The following DSCAM variants were observed in gnomAD, a reference collection of about 807,000 sequenced individuals.
DSCAM encodes cell adhesion molecule DSCAM.
A neutral mutation model predicts 217.7 loss-of-function variants in DSCAM; 47 were observed. The observed-to-expected ratio is 0.22, with a 90% confidence interval of 0.17 to 0.28. The LOEUF is 0.28. DSCAM is among the 10% of genes least tolerant of loss of function. The pLI, the probability that DSCAM is intolerant of heterozygous loss-of-function variation, is 1.00. For missense variants in DSCAM, 2,080 were observed against 2,618.3 expected, an observed-to-expected ratio of 0.79 and a Z score of 4.49; for synonymous variants, 1,056 against 1,015.3, an observed-to-expected ratio of 1.04 and a Z score of -0.76.
intron 7 of DSCAM, among the ~76,000 whole-genome samples, 163 bp from the exon 8 acceptor site, chr21:40,338,539 G>T (rs1378289140): frequency 1.3e-5 from 2 of 152,114 alleles, no homozygotes; most frequent in African/African-American, 2.4e-5. Context: ...TACAACAAAG[G>T]TTTTTCTTTC....
chr21:40,477,061 A>G (rs1396584149), intron 3 of DSCAM, among the ~76,000 whole-genome samples: 1 of 152,188 alleles, frequency 6.6e-6, no homozygotes, highest in African/African-American at 2.4e-5. Flanking sequence ...TAACTTCCTA[A>G]ATAGTATTTA....
chr21:40,761,783 G>C (rs897673353), intron 1 of DSCAM, among the ~76,000 whole-genome samples: 1 of 152,152 alleles, frequency 6.6e-6, no homozygotes, highest in South Asian at 2.1e-4. Flanking sequence ...TTCATTACTA[G>C]AGAAGTTTCT....
At position 40,339,298 on chromosome 21, in the gene DSCAM, T is replaced by C. The variant is rs2074463153; in HGVS notation, c.1328A>G (p.Asp443Gly). 6.2e-7 allele frequency: 1 copy of C among 1,614,028 alleles called. No homozygotes were observed. The highest frequency in any genetic ancestry group is 8.5e-7 in the Non-Finnish European group (1 of 1,180,028). ...TPLPTITWTL[D>G]DDPILKGGSH... is the part of the protein sequence containing the mutation. The stretch of plus-strand genomic sequence containing the variant: ...GCCACCCTTGAGAATCGGGTCATCG[T>C]CCAGGGTCCACGTGATCGTGGGCAA... Residue 443 changes from aspartate (D) to glycine (G), a missense_variant, in exon 7 of 33, where the codon GAC becomes GGC. By Grantham distance (94) the Asp-to-Gly change is moderately conservative. Transcript: ENST00000400454.
chr21:40,353,832 C>T (rs1484148568), intron 4 of DSCAM, 89 bp from the exon 5 acceptor site: 45 of 1,174,434 alleles, frequency 3.8e-5, no homozygotes, highest in East Asian at 2.3e-4. Flanking sequence ...AACTTAAATA[C>T]GGTGCATCAT....
chr21:40,489,020 A>G (rs1188796316), intron 3 of DSCAM, among the ~76,000 whole-genome samples: 5 of 152,212 alleles, frequency 3.3e-5, no homozygotes, highest in Non-Finnish European at 7.3e-5. Context: ...CTATGCTTCT[A>G]AAAAACCACA....
chr21:40,710,179 G>GA (rs1178922501), intron 1 of DSCAM, among the ~76,000 whole-genome samples: 10 of 145,348 alleles, frequency 6.9e-5, no homozygotes, highest in Admixed American at 5.4e-4. Context: ...CTTTTTGATG[G>GA]GGTTTTTTTT....
chr21:40,094,403 C>A (rs1466942513), intron 20 of DSCAM, among the ~76,000 whole-genome samples: 2 of 152,138 alleles, frequency 1.3e-5, no homozygotes, highest in Admixed American at 1.3e-4. Context: ...GCTAAGGAGG[C>A]AGAGCTGAGA....
chr21:40,461,024 A>G (rs2075801487), intron 3 of DSCAM, among the ~76,000 whole-genome samples: 1 of 152,224 alleles, frequency 6.6e-6, no homozygotes, highest in African/African-American at 2.4e-5. Context: ...AGCCCTGTTC[A>G]TAGTTGCAAA....
chr21:40,789,192 T>C (rs1377876317), intron 1 of DSCAM, among the ~76,000 whole-genome samples: 1 of 149,968 alleles, frequency 6.7e-6, no homozygotes, highest in Non-Finnish European at 1.5e-5. Flanking sequence ...AGACAGAGAA[T>C]GAAACCAGGG....
intron 3 of DSCAM, among the ~76,000 whole-genome samples, chr21:40,549,752 A>G (rs2076614489): frequency 6.6e-6 from 1 of 152,146 alleles, no homozygotes; most frequent in Non-Finnish European, 1.5e-5. Context: ...ACGTTTGGAA[A>G]CCCCAGCTAA....
At position 40,047,870 on chromosome 21, in the gene DSCAM, G is replaced by A. The variant is rs141344012; in HGVS notation, c.5186-3595C>T. 4.5e-3 allele frequency among the ~76,000 whole-genome samples: 681 copies of A among 152,272 alleles called. 4 individuals carry two copies. The highest frequency in any genetic ancestry group is 0.023 in the East Asian group (117 of 5,174). On this transcript the variant is annotated intron_variant, in intron 30 of 32. Transcript: ENST00000400454. ...CTAGTCCCATCCTGGGTAACAGAGG[G>A]CATTTTTTCTTTCAAAGTCTCAGCA...
At position 40,078,855 on chromosome 21, in the gene DSCAM, G is replaced by T. The variant is rs2089410019; in HGVS notation, c.4543C>A (p.Pro1515Thr). The change falls in exon 26 of 33, where the codon CCC (proline) becomes ACC (threonine). Residue 1515 changes from proline (P) to threonine (T), a missense_variant. By Grantham distance (38) the Pro-to-Thr change is conservative. This residue lies in a region of DSCAM where 1,144 missense variants were observed against 1,421.1 expected (regional missense o/e 0.81). Coordinates refer to ENST00000400454, the MANE Select transcript of DSCAM (RefSeq NM_001389.5). ...PITSFTLEYR[P>T]FGTTVWTTAQ... ...GTGGTCCAAACTGTGGTCCCAAAGG[G>T]CCTGTACTCTAGTGTGAAGGAGGTG... 2 of 1,614,198 alleles carry T rather than the reference G, an allele frequency of 1.2e-6. No homozygotes were observed. The highest frequency in any genetic ancestry group is 1.7e-6 in the Non-Finnish European group (2 of 1,180,042).
chr21:40,631,124 A>G (rs2089686007), intron 3 of DSCAM, among the ~76,000 whole-genome samples: 1 of 152,176 alleles, frequency 6.6e-6, no homozygotes. Flanking sequence ...CTGTGCTTAC[A>G]CATTTTGGCC....
chr21:40,611,418 A>G (rs1310948364), intron 3 of DSCAM, among the ~76,000 whole-genome samples: 2 of 152,090 alleles, frequency 1.3e-5, no homozygotes, highest in Non-Finnish European at 2.9e-5. Context: ...TATCATTTCC[A>G]CATGTAATTC....
At chr21:40,361,004 A>G (rs939898735) in intron 4 of DSCAM, among the ~76,000 whole-genome samples, 4 of 152,136 alleles carry the variant, frequency 2.6e-5, no homozygotes, top group African/African-American at 4.8e-5. Context: ...TGCATGATTG[A>G]AGCAATGCTT....
intron 17 of DSCAM, among the ~76,000 whole-genome samples, chr21:40,143,828 A>T (rs1343014645): frequency 2.0e-5 from 3 of 152,204 alleles, no homozygotes; most frequent in African/African-American, 4.8e-5. Flanking sequence ...ACTGCACAAG[A>T]GGTAAATGTA....
chr21:40,802,579 A>G (rs1280132623), intron 1 of DSCAM, among the ~76,000 whole-genome samples: 1 of 152,214 alleles, frequency 6.6e-6, no homozygotes, highest in Admixed American at 6.5e-5. Context: ...GGGCCTTTAA[A>G]GGTGATTTGG....
chr21:40,782,875 A>G (rs532712622), intron 1 of DSCAM, among the ~76,000 whole-genome samples: 1 of 152,344 alleles, frequency 6.6e-6, no homozygotes, highest in African/African-American at 2.4e-5. Context: ...TTATTTTTGT[A>G]TGGTAAATTT....
chr21:40,613,251 T>G (rs1390117298), intron 3 of DSCAM, among the ~76,000 whole-genome samples: 1 of 152,218 alleles, frequency 6.6e-6, no homozygotes, highest in African/African-American at 2.4e-5. Context: ...ACAAACATTA[T>G]TAATGGCAAA....
Sources: allele counts gnomAD v4.1 joint callset (sites outside exome capture counted in the v4.1 genomes callset), GRCh38; gene constraint gnomAD v4.1.1; regional missense constraint gnomAD v4.1.1; transcripts MANE v1.5; gene names NCBI Gene and HGNC (gene_info 2026-07-23, HGNC 2026-07-21).